UNC13C: variants seen among roughly 807,000 people sequenced by gnomAD.
UNC13C encodes the protein protein unc-13 homolog C.
A neutral mutation model predicts 245.4 loss-of-function variants in UNC13C; 174 were observed. That is an observed-to-expected ratio of 0.71 (90% CI 0.63 to 0.80). The LOEUF (loss-of-function observed/expected upper bound fraction) is 0.80. UNC13C is among the 30% of genes least tolerant of loss of function. The pLI is 0.00. For synonymous variants in UNC13C, 992 were observed against 895.1 expected (o/e 1.11, Z -1.93); for missense variants, 2,829 against 2,602.9 (o/e 1.09, Z -1.89).
chr15:53,976,201 C>CTGCCACT (rs879897449), upstream of UNC13C, among the ~76,000 whole-genome samples: 13 of 152,298 alleles, frequency 8.5e-5, no homozygotes, highest in Middle Eastern at 6.8e-3. Flanking sequence ...TACATGTTTC[C>CTGCCACT]TGCCACTTTC....
At chr15:54,354,281 T>C (rs942583484) in intron 17 of UNC13C, among the ~76,000 whole-genome samples, 1 of 152,238 alleles carries the variant, frequency 6.6e-6, no homozygotes, top group African/African-American at 2.4e-5. Context: ...GAGATGGTCC[T>C]TTTCTTTATT....
At chr15:54,169,333 A>G (rs987612985) in intron 4 of UNC13C, among the ~76,000 whole-genome samples, 7 of 152,172 alleles carry the variant, frequency 4.6e-5, no homozygotes, top group Non-Finnish European at 1.0e-4. Context: ...TTATGAAATT[A>G]TGAACACCTT....
At chr15:54,436,391 CA>C (rs1195657533) in intron 19 of UNC13C, among the ~76,000 whole-genome samples, 1 of 151,922 alleles carries the variant, frequency 6.6e-6, no homozygotes, top group Admixed American at 6.6e-5. Flanking sequence ...TTTACAATAG[CA>C]AAGACTTGGA....
intron 2 of UNC13C, among the ~76,000 whole-genome samples, chr15:54,103,357 G>T (rs1900265355): frequency 6.6e-6 from 1 of 152,150 alleles, no homozygotes; most frequent in Non-Finnish European, 1.5e-5. Flanking sequence ...TGGGAGCTGA[G>T]ATCTTACATT....
the UNC13C span, among the ~76,000 whole-genome samples, chr15:53,858,408 T>G: frequency 2.6e-5 from 4 of 151,480 alleles, no homozygotes; most frequent in South Asian, 2.1e-4. Flanking sequence ...AATGAGTTTT[T>G]TTTTGTTTTG....
chr15:54,490,489 A>G (rs1192940586), intron 19 of UNC13C, among the ~76,000 whole-genome samples: 3 of 152,134 alleles, frequency 2.0e-5, no homozygotes, highest in African/African-American at 7.2e-5. Flanking sequence ...TTCTGAGCAG[A>G]GCAGCCAGAG....
the UNC13C span, among the ~76,000 whole-genome samples, chr15:53,926,120 G>GT: frequency 0.059 from 8,735 of 147,558 alleles, 382 homozygotes; most frequent in East Asian, 0.22. Context: ...TTTAGTTTTT[G>GT]TTTTTTTTTT....
intron 2 of UNC13C, among the ~76,000 whole-genome samples, chr15:54,038,652 T>C (rs1028750627): frequency 2.0e-5 from 3 of 152,186 alleles, no homozygotes; most frequent in Non-Finnish European, 2.9e-5. Context: ...TTCTTTAAAA[T>C]AAATTAAACT....
At chr15:53,872,463 TC>T in the UNC13C span, among the ~76,000 whole-genome samples, 5 of 152,174 alleles carry the variant, frequency 3.3e-5, no homozygotes, top group Admixed American at 3.3e-4. Flanking sequence ...TTATTCTTAC[TC>T]CCTAGATTTA....
chr15:54,515,032 C>T (rs1596499984), intron 24 of UNC13C, among the ~76,000 whole-genome samples: 2 of 152,190 alleles, frequency 1.3e-5, no homozygotes, highest in East Asian at 3.9e-4. Context: ...TCTCTGCATA[C>T]AAATCAGGGG....
At chr15:54,117,113 G>C (rs190947247) in intron 2 of UNC13C, among the ~76,000 whole-genome samples, 3 of 151,884 alleles carry the variant, frequency 2.0e-5, no homozygotes. Flanking sequence ...CTTCCGATTA[G>C]TTTTTGTTGT....
intron 22 of UNC13C, among the ~76,000 whole-genome samples, chr15:54,503,087 C>A (rs1388452234): frequency 1.3e-5 from 2 of 152,062 alleles, no homozygotes; most frequent in Non-Finnish European, 2.9e-5. Context: ...AGAAAAGAAT[C>A]AGCTTCCATG....
In UNC13C at chr15:54,626,871, C is replaced by T. The variant is rs1901196358; in HGVS notation, c.6403C>T (p.Leu2135Phe). 1 of 1,613,026 alleles carries T rather than the reference C, an allele frequency of 6.2e-7. No homozygotes were observed. Among genetic ancestry groups the T allele is most frequent in the Non-Finnish European group, 8.5e-7 (1 of 1,179,476 alleles). ...TCGACCAGGGGCTTATGAACTTCAT[C>T]TCTCAGTTAAGGATTACTGCTTTGC... ...ENRPGAYELHLSVKDYCFARE... is the reference protein window; with the variant it reads ...ENRPGAYELHFSVKDYCFARE... Residue 2135 changes from leucine (L) to phenylalanine (F), a missense_variant, in exon 33 of 33, where the codon CTC (leucine) becomes TTC (phenylalanine). Leu to Phe is a conservative substitution (Grantham distance 22). Coordinates refer to ENST00000260323, the MANE Select transcript of UNC13C (RefSeq NM_001080534.3).
intron 2 of UNC13C, among the ~76,000 whole-genome samples, chr15:54,104,141 T>C (rs1900314131): frequency 6.6e-6 from 1 of 152,248 alleles, no homozygotes; most frequent in African/African-American, 2.4e-5. Context: ...CCCATTGCTC[T>C]GGATACTTGC....
the UNC13C span, among the ~76,000 whole-genome samples, chr15:53,846,239 C>T: frequency 6.7e-3 from 1,019 of 152,310 alleles, 6 homozygotes; most frequent in Non-Finnish European, 9.6e-3. Context: ...ACTCTACTGA[C>T]ATGATTTGAT....
At chr15:54,102,861 C>A (rs1595858363) in intron 2 of UNC13C, among the ~76,000 whole-genome samples, 1 of 152,334 alleles carries the variant, frequency 6.6e-6, no homozygotes, top group Middle Eastern at 3.4e-3. Flanking sequence ...TCCTCCTGGA[C>A]AGTAGCATTC....
chr15:54,450,436 G>C (rs12439181), intron 19 of UNC13C, among the ~76,000 whole-genome samples: 1 of 152,046 alleles, frequency 6.6e-6, no homozygotes, highest in Non-Finnish European at 1.5e-5. Context: ...CAGCTTCCTG[G>C]CTGCTTTGTT....
intron 16 of UNC13C, among the ~76,000 whole-genome samples, chr15:54,334,571 A>G (rs1409507703): frequency 2.0e-5 from 3 of 152,090 alleles, no homozygotes; most frequent in Non-Finnish European, 2.9e-5. Context: ...TTTTTTCACT[A>G]GAACCTCTAA....
Position 54,393,124 on chromosome 15 carries a change from C to T in UNC13C, c.4790C>T (p.Thr1597Ile). Residue 1597 changes from threonine to isoleucine, a missense_variant, in exon 18 of 33, where the codon ACA becomes ATA. Physicochemically the swap from Thr to Ile is moderately conservative, Grantham distance 89. Coordinates refer to ENST00000260323, the MANE Select transcript of UNC13C (RefSeq NM_001080534.3). Reference sequence around the variant, plus strand: ...TTGGATTTTTGGCCCCAACTTATTACACTGATGGTTACTATTATTGATGAG... The same window carrying T: ...TTGGATTTTTGGCCCCAACTTATTATACTGATGGTTACTATTATTGATGAG... ...KNLDFWPQLI[T>I]LMVTIIDEDK... is the part of the protein sequence containing the mutation. The T allele has an allele frequency of 1.2e-6, 2 of 1,610,970 alleles. No homozygotes were observed. Among genetic ancestry groups the T allele is most frequent in the Non-Finnish European group, 1.7e-6 (2 of 1,178,466 alleles).
Sources: allele counts gnomAD v4.1 joint callset (sites outside exome capture counted in the v4.1 genomes callset), GRCh38; gene constraint gnomAD v4.1.1; transcripts MANE v1.5; gene names NCBI Gene and HGNC (gene_info 2026-07-23, HGNC 2026-07-21).